The following RAB27B variants were observed in gnomAD, a reference collection of about 807,000 sequenced individuals.
The protein encoded by RAB27B is ras-related protein Rab-27B.
In RAB27B, 15 loss-of-function variants were observed where a neutral mutation model predicts 24.6. That is an observed-to-expected ratio of 0.61 (90% CI 0.41 to 0.94). RAB27B has a LOEUF of 0.94. Ranked by LOEUF, RAB27B falls within the 40% of genes least tolerant of loss-of-function variation. The pLI is 0.00. For synonymous variants in RAB27B, 105 were observed against 92.5 expected (o/e 1.14, Z -0.78); for missense variants, 261 against 266.8 (o/e 0.98, Z 0.15).
chr18:54,727,681 A>G (rs1288530994), intron 2 of RAB27B, among the ~76,000 whole-genome samples: 3 of 152,218 alleles, frequency 2.0e-5, no homozygotes, highest in East Asian at 1.9e-4. Flanking sequence ...TGCCTTTTAG[A>G]TATAATCACA....
At chr18:54,820,065 T>G (rs961826587) in intron 2 of RAB27B, among the ~76,000 whole-genome samples, 2 of 152,158 alleles carry the variant, frequency 1.3e-5, no homozygotes, top group Admixed American at 1.3e-4. Context: ...TTGTGAATAG[T>G]GCTGCGATAA....
intron 1 of RAB27B, among the ~76,000 whole-genome samples, chr18:54,867,442 CTTTTT>C (rs548288719): frequency 7.1e-5 from 7 of 98,754 alleles, no homozygotes; most frequent in South Asian, 4.0e-4. Context: ...CTTTTCTTTT[CTTTTT>C]TTTTTTTTTT....
Position 54,742,470 on chromosome 18 carries a change from A to G in RAB27B, c.-20+24329A>G, listed in dbSNP as rs552692372. Among the ~76,000 whole-genome samples the G allele has an allele frequency of 2.0e-5, 3 of 152,338 alleles. No homozygotes were observed. In the East Asian group the frequency reaches 5.8e-4, roughly 29 times the overall value. On this transcript the variant is annotated intron_variant, in intron 2 of 4. Coordinates refer to the RAB27B transcript ENST00000586570. ...AGGAGGAAGTTGGGGTCAGTCATAC[A>G]AATGTTATAAAGTATAAGGTCATTT...
chr18:54,870,032 A>G (rs2018670), intron 1 of RAB27B, among the ~76,000 whole-genome samples: 137,523 of 152,158 alleles, frequency 0.9, 63,774 homozygotes, highest in East Asian at 1. Flanking sequence ...ATTTTTTTCT[A>G]ACATTTAAAA....
intron 2 of RAB27B, among the ~76,000 whole-genome samples, chr18:54,782,423 A>G (rs917495878): frequency 6.6e-6 from 1 of 152,202 alleles, no homozygotes; most frequent in Non-Finnish European, 1.5e-5. Context: ...GATATTTTGG[A>G]TGGGCCACTA....
At chr18:54,860,552 T>C (rs1911972001) in intron 1 of RAB27B, among the ~76,000 whole-genome samples, 2 of 152,102 alleles carry the variant, frequency 1.3e-5, no homozygotes, top group African/African-American at 4.8e-5. Context: ...CAAACATCCC[T>C]TTATGAGTTT....
intron 3 of RAB27B, among the ~76,000 whole-genome samples, chr18:54,883,621 C>T (rs1443184613): frequency 6.6e-6 from 1 of 152,008 alleles, no homozygotes; most frequent in East Asian, 1.9e-4. Context: ...GCTGACCAGG[C>T]AGGGAAAAAC....
At chr18:54,733,677 C>A (rs76102298) in intron 2 of RAB27B, among the ~76,000 whole-genome samples, 5,992 of 131,056 alleles carry the variant, frequency 0.046, 215 homozygotes, top group Admixed American at 0.095. Flanking sequence ...TTGCTAAGCT[C>A]CTTGGCCTTC....
At chr18:54,765,003 T>TA (rs1171985356) in intron 2 of RAB27B, among the ~76,000 whole-genome samples, 2 of 151,998 alleles carry the variant, frequency 1.3e-5, no homozygotes, top group Non-Finnish European at 2.9e-5. Context: ...TTATTTTAAT[T>TA]AACCAACATT....
intron 2 of RAB27B, among the ~76,000 whole-genome samples, chr18:54,786,032 CTG>C (rs547506222): frequency 1.3e-5 from 2 of 152,274 alleles, no homozygotes; most frequent in South Asian, 4.1e-4. Context: ...AGCATCCAAT[CTG>C]TCTCATCCTT....
At chr18:54,824,334 C>T (rs895961736), upstream of RAB27B, among the ~76,000 whole-genome samples, 1 of 152,154 alleles carries the variant, frequency 6.6e-6, no homozygotes, top group African/African-American at 2.4e-5. Flanking sequence ...TCACAATTGC[C>T]TCTGACTGAT....
intron 2 of RAB27B, among the ~76,000 whole-genome samples, chr18:54,822,886 T>C (rs552947846): frequency 6.6e-6 from 1 of 152,318 alleles, no homozygotes; most frequent in East Asian, 1.9e-4. Flanking sequence ...GTGAAATTAT[T>C]TGGGCCTTTC....
At chr18:54,870,154 A>G (rs934624000) in intron 1 of RAB27B, among the ~76,000 whole-genome samples, 2 of 152,210 alleles carry the variant, frequency 1.3e-5, no homozygotes, top group Non-Finnish European at 2.9e-5. Flanking sequence ...GATTGTTTCA[A>G]AAACAAGACA....
rs1246192810 is a variant in RAB27B at position 54,804,910 on chromosome 18, CTTTCTTTCTTTCTTTCTTTCTT to C, written c.-19-72655_-19-72634del. 7.2e-4 allele frequency among the ~76,000 whole-genome samples: 83 copies of C among 114,908 alleles called. 3 individuals carry two copies. The East Asian group carries it at 0.02, about 28-fold the overall frequency. 75.4% of individuals were successfully genotyped at this position (114,908 alleles called of 152,430 possible). ...TTTCTTTCTCTTTCTCTCTCTCTTTCTTTCTTTCTTTCTTTCTTTCTTTCTTTCTTTCTTTCTTTCTTTCTCT... is the reference window on the plus strand; with the variant it reads ...TTTCTTTCTCTTTCTCTCTCTCTTTCTCTTTCTTTCTTTCTTTCTTTCTCT... On this transcript the variant is annotated intron_variant, in intron 2 of 4. Transcript: ENST00000586570.
intron 1 of RAB27B, among the ~76,000 whole-genome samples, chr18:54,834,979 C>A (rs1315269805): frequency 6.6e-6 from 1 of 151,708 alleles, no homozygotes. Context: ...TTAGTAAAAG[C>A]AAAATCAGCT....
intron 2 of RAB27B, among the ~76,000 whole-genome samples, chr18:54,755,957 C>T (rs1355256845): frequency 6.6e-6 from 1 of 152,172 alleles, no homozygotes; most frequent in African/African-American, 2.4e-5. Context: ...AAGAAACAAC[C>T]AGCAAAGACT....
chr18:54,884,695 G>A (rs1213533993), intron 4 of RAB27B, among the ~76,000 whole-genome samples: 1 of 152,090 alleles, frequency 6.6e-6, no homozygotes, highest in Non-Finnish European at 1.5e-5. Flanking sequence ...ATCACCACTT[G>A]TATTTAAGAT....
At chr18:54,835,327 T>C (rs1053136900) in intron 1 of RAB27B, among the ~76,000 whole-genome samples, 5 of 152,060 alleles carry the variant, frequency 3.3e-5, no homozygotes, top group South Asian at 2.1e-4. Flanking sequence ...CTGCAAAATA[T>C]AGGAGCAATG....
rs141176422 is a variant in RAB27B at position 54,795,500 on chromosome 18, A to C, written c.-20+77359A>C. On this transcript the variant is annotated intron_variant, in intron 2 of 4. Coordinates refer to the RAB27B transcript ENST00000586570. ...ACTAACTAAAATTAGAGGTTTATGC[A>C]GCAGGGAAGAAATGTGACTATGTGT... is the stretch of plus-strand genomic sequence containing the variant. 2.2e-3 allele frequency among the ~76,000 whole-genome samples: 335 copies of C among 152,350 alleles called. 1 individual carries two copies. Among genetic ancestry groups the C allele is most frequent in the African/African-American group, 7.3e-3 (303 of 41,576 alleles).
Sources: allele counts gnomAD v4.1 joint callset (sites outside exome capture counted in the v4.1 genomes callset), GRCh38; gene constraint gnomAD v4.1.1; transcripts MANE v1.5; gene names NCBI Gene and HGNC (gene_info 2026-07-23, HGNC 2026-07-21).